SPTLC1: variants seen among roughly 807,000 people sequenced by gnomAD.
SPTLC1 encodes the protein serine palmitoyltransferase long chain base subunit 1.
SPTLC1 carries 55 observed loss-of-function variants against 68.9 expected under a neutral mutation model. The observed-to-expected ratio is 0.80, with a 90% CI of 0.64 to 1.00. SPTLC1 has a LOEUF of 1.00. Ranked by LOEUF, SPTLC1 falls within the 50% of genes least tolerant of loss-of-function variation. The pLI is 0.00. For missense variants in SPTLC1, 449 were observed against 573.1 expected (o/e 0.78, Z 2.21); for synonymous variants, 197 against 201.6 (o/e 0.98, Z 0.19).
intron 13 of SPTLC1, 55 bp downstream of exon 13, chr9:92,038,193 T>G (rs1227009613): frequency 1.9e-5 from 23 of 1,203,336 alleles, no homozygotes; most frequent in Non-Finnish European, 2.9e-5. Context: ...AAAAAATTGC[T>G]TGGGGCAAGG....
intron 3 of SPTLC1, among the ~76,000 whole-genome samples, chr9:92,090,129 C>T (rs1191754588): frequency 1.3e-5 from 2 of 152,060 alleles, no homozygotes; most frequent in Non-Finnish European, 2.9e-5. Flanking sequence ...GAAAGAAATA[C>T]CTAAAGACTG....
In SPTLC1 at chr9:92,034,814, G is replaced by A; in HGVS notation, c.1324C>T (p.Pro442Ser). The A allele has an allele frequency of 1.2e-6, 2 of 1,613,956 alleles. No homozygotes were observed. The highest frequency in any genetic ancestry group is 1.7e-6 in the Non-Finnish European group (2 of 1,179,808). ...CATATTTTAACGTCAACTGACCTGGGAGGAGGGAGACACTTCTCTTCTTTC... is the reference window on the plus strand; with the variant it reads ...CATATTTTAACGTCAACTGACCTGGAAGGAGGGAGACACTTCTCTTCTTTC... ...LEKEEKCLPP[P>S]SIRVVVTVEQ... Residue 442 changes from proline (P) to serine (S), a missense_variant, in exon 14 of 15, where the codon CCC (proline) becomes TCC (serine). Transcript: ENST00000262554.
chr9:92,064,957 T>C (rs767923638), intron 6 of SPTLC1, among the ~76,000 whole-genome samples: 17 of 152,168 alleles, frequency 1.1e-4, no homozygotes, highest in Admixed American at 6.5e-5. Context: ...AGTGGGCAGA[T>C]GGGAGGAATG....
chr9:92,107,865 C>A (rs531985881), intron 3 of SPTLC1: 7 of 152,192 alleles, frequency 4.6e-5, no homozygotes, highest in African/African-American at 1.4e-4. Flanking sequence ...AGAATCAGAA[C>A]AATACTACTC....
At chr9:92,097,834 A>G (rs994162758) in intron 3 of SPTLC1, among the ~76,000 whole-genome samples, 2 of 152,224 alleles carry the variant, frequency 1.3e-5, no homozygotes, top group African/African-American at 4.8e-5. Context: ...TTACGTATCA[A>G]TACAGCTGCT....
chr9:92,036,128 G>A lies in SPTLC1; in HGVS notation c.1255-1245C>T, dbSNP rs1564079776. 5.3e-5 allele frequency among the ~76,000 whole-genome samples: 8 copies of A among 152,300 alleles called. No homozygotes were observed. In the South Asian group the frequency reaches 1.4e-3, roughly 28 times the overall value. On this transcript the variant is annotated intron_variant, in intron 13 of 14. Coordinates refer to ENST00000262554, the MANE Select transcript of SPTLC1 (RefSeq NM_006415.4). ...GGAAGCTGTGATGATGCACAGAAGC[G>A]GGAAGATATATGTATTTTTTCTATC...
intron 3 of SPTLC1, among the ~76,000 whole-genome samples, chr9:92,092,590 C>T (rs1835402794): frequency 6.6e-6 from 1 of 152,022 alleles, no homozygotes; most frequent in Non-Finnish European, 1.5e-5. Flanking sequence ...AATAAATTAG[C>T]TGGGCGTGGT....
rs1832981850 is a variant in SPTLC1, at chr9:92,032,080, A to AAGGAGTGCTT, written c.*375_*384dup. The AAGGAGTGCTT allele has an allele frequency of 1.8e-6, 1 of 554,492 alleles. No individual in the cohort carries two copies. The highest frequency in any genetic ancestry group is 3.4e-5 in the Admixed American group (1 of 29,646). The allele number at this position is 554,492 out of a possible 1,614,324, so 34.3% of individuals were successfully genotyped here. A position where few individuals can be genotyped will look rare whatever the true frequency, so the allele number is the denominator to read the frequency against. ...TTTTTCTATGAAATACTAAGGAGTTAAGGAGTGCTTACTGAACCATTACTA... is the reference window on the plus strand; with the variant it reads ...TTTTTCTATGAAATACTAAGGAGTTAAGGAGTGCTTAGGAGTGCTTACTGAACCATTACTA... On this transcript the variant is annotated 3_prime_UTR_variant, in exon 15 of 15. Transcript: ENST00000262554.
At chr9:92,063,896 A>C (rs1171214095) in intron 6 of SPTLC1, among the ~76,000 whole-genome samples, 1 of 152,214 alleles carries the variant, frequency 6.6e-6, no homozygotes, top group African/African-American at 2.4e-5. Flanking sequence ...ATCTGCACGT[A>C]ACATTATACT....
chr9:92,043,533 T>C (rs1351445114), intron 12 of SPTLC1, among the ~76,000 whole-genome samples: 2 of 152,178 alleles, frequency 1.3e-5, no homozygotes, highest in Non-Finnish European at 2.9e-5. Context: ...CTCTCACTCA[T>C]TAGCAACTCT....
intron 5 of SPTLC1, among the ~76,000 whole-genome samples, chr9:92,071,341 A>G (rs1232939153): frequency 6.6e-6 from 1 of 152,126 alleles, no homozygotes; most frequent in Non-Finnish European, 1.5e-5. Context: ...CGGAGGTTGC[A>G]GTGAGCCAAG....
Position 92,079,567 on chromosome 9 carries a change from C to G in SPTLC1, c.427+449G>C, listed in dbSNP as rs772495738. On this transcript the variant is annotated intron_variant, in intron 5 of 14. Coordinates refer to ENST00000262554, the MANE Select transcript of SPTLC1 (RefSeq NM_006415.4). The stretch of plus-strand genomic sequence containing the variant: ...AAATCAATGATCCTTCATCTTCATT[C>G]TAGAAAGATAAAAAACTACACTGTT... 1.2e-4 allele frequency: 188 copies of G among 1,612,660 alleles called. No homozygotes were observed. In the East Asian group the frequency reaches 4.1e-3, roughly 36 times the overall value.
intron 6 of SPTLC1, among the ~76,000 whole-genome samples, 189 bp from the exon 7 acceptor site, chr9:92,059,497 C>A (rs1834013240): frequency 6.6e-6 from 1 of 152,166 alleles, no homozygotes; most frequent in African/African-American, 2.4e-5. Context: ...CACATAACTA[C>A]CATATTTAAT....
rs1480333864 is a variant in SPTLC1 at position 92,031,709 on chromosome 9, A to G, written c.*756T>C. ...CAACATAATAACCAACTCTCTTCCT[A>G]AAACAGATTAGAGGTGAACACATAA... is the stretch of plus-strand genomic sequence containing the variant. On this transcript the variant is annotated 3_prime_UTR_variant, in exon 15 of 15. Transcript: ENST00000262554. 1 of 152,724 alleles carries G rather than the reference A, an allele frequency of 6.5e-6. No individual in the cohort carries two copies. The highest frequency in any genetic ancestry group is 1.5e-5 in the Non-Finnish European group (1 of 68,084). 9.5% of individuals were successfully genotyped at this position (152,724 alleles called of 1,614,324 possible).
At chr9:92,069,254 G>A (rs371477853) in intron 5 of SPTLC1, among the ~76,000 whole-genome samples, 67 of 152,264 alleles carry the variant, frequency 4.4e-4, no homozygotes, top group Non-Finnish European at 7.5e-4. Context: ...CCTAAAGAAC[G>A]TTACAAAACT....
intron 5 of SPTLC1, among the ~76,000 whole-genome samples, chr9:92,069,238 A>G (rs1834396016): frequency 6.6e-6 from 1 of 152,224 alleles, no homozygotes; most frequent in Non-Finnish European, 1.5e-5. Context: ...GTATATTTAC[A>G]GACTTCCTAA....
chr9:92,064,829 C>T (rs114378876), intron 6 of SPTLC1, among the ~76,000 whole-genome samples: 3,469 of 152,278 alleles, frequency 0.023, 121 homozygotes, highest in African/African-American at 0.079. Flanking sequence ...CAGAGAATTA[C>T]GCTAAATGAA....
At chr9:92,104,051 C>A (rs1343756996) in intron 3 of SPTLC1, among the ~76,000 whole-genome samples, 3 of 152,170 alleles carry the variant, frequency 2.0e-5, no homozygotes, top group Non-Finnish European at 4.4e-5. Flanking sequence ...CCTAAGCACT[C>A]CTTCACACCC....
At chr9:92,079,954 C>G in intron 5 of SPTLC1, 62 bp downstream of exon 5, 1 of 1,426,906 alleles carries the variant, frequency 7.0e-7, no homozygotes, top group Admixed American at 1.7e-5. Context: ...CCATGCCCAG[C>G]CTAAAATTGA....
Sources: gnomAD v4.1 joint callset for allele counts (sites outside exome capture counted in the v4.1 genomes callset) on GRCh38, gnomAD v4.1.1 for gene constraint, MANE v1.5 for transcripts, NCBI Gene and HGNC (gene_info 2026-07-23, HGNC 2026-07-21) for gene names.